Variants in IL18RAP observed in about 807,000 individuals in gnomAD.
IL18RAP encodes the protein interleukin-18 receptor accessory protein.
IL18RAP carries 37 observed loss-of-function variants against 58.1 expected under a neutral mutation model. The observed-to-expected ratio is 0.64, with a 90% CI of 0.49 to 0.84. IL18RAP has a LOEUF of 0.84. Among genes scored for constraint, IL18RAP ranks in the 40% least tolerant of loss-of-function variants. The pLI, the probability that IL18RAP is intolerant of heterozygous loss-of-function variation, is 0.00. For missense variants in IL18RAP, 667 were observed against 704.8 expected, an observed-to-expected ratio of 0.95 and a Z score of 0.61; for synonymous variants, 268 against 257.5, an observed-to-expected ratio of 1.04 and a Z score of -0.39.
In IL18RAP at chr2:102,443,700, T is replaced by A. The variant is rs937299336; in HGVS notation, c.920+377T>A. 5.9e-5 allele frequency among the ~76,000 whole-genome samples: 9 copies of A among 152,184 alleles called. No homozygotes were observed. In the South Asian group the frequency reaches 1.9e-3, roughly 32 times the overall value. On this transcript the variant is annotated intron_variant, in intron 6 of 9. Transcript: ENST00000687160. The stretch of plus-strand genomic sequence containing the variant: ...GGTACAGGGATCCAGATGTGTGGGG[T>A]AATGAACAGTCTAGAAAACCTCCAG...
At chr2:102,421,836 G>A (rs2104283145), upstream of IL18RAP, among the ~76,000 whole-genome samples, 1 of 152,216 alleles carries the variant, frequency 6.6e-6, no homozygotes, top group East Asian at 1.9e-4. Context: ...TCACCTGCAT[G>A]GTTCTACCTG....
At chr2:102,431,264 C>A (rs1655043413) in intron 3 of IL18RAP, among the ~76,000 whole-genome samples, 1 of 152,140 alleles carries the variant, frequency 6.6e-6, no homozygotes, top group Admixed American at 6.5e-5. Context: ...TGGCCTATAT[C>A]GTTTCTGCTG....
Position 102,443,270 on chromosome 2 carries a change from G to A in IL18RAP, c.867G>A (p.Trp289Ter). Residue 289 changes from tryptophan to a stop codon, truncating the protein, a stop_gained, in exon 6 of 10, where the codon TGG (tryptophan) becomes TGA (stop). Coordinates refer to ENST00000687160, the MANE Select transcript of IL18RAP (RefSeq NM_001393487.1). LOFTEE classifies it high-confidence loss of function. ...GGGTCTTTAACCCTGTCATAAAATG[G>A]TACATCAAAGATTCTGACCTAGAGT... ...FERVFNPVIK[W>*]YIKDSDLEWE... 2 of 1,613,718 alleles carry A rather than the reference G, an allele frequency of 1.2e-6. No homozygotes were observed. Among genetic ancestry groups the A allele is most frequent in the African/African-American group, 1.3e-5 (1 of 74,976 alleles).
Position 102,451,882 on chromosome 2 carries a change from G to T in IL18RAP, c.1501G>T (p.Ala501Ser). Residue 501 changes from alanine to serine, a missense_variant, in exon 10 of 10, where the codon GCC becomes TCC. Ala to Ser is a moderately conservative substitution (Grantham distance 99). Coordinates refer to ENST00000687160, the MANE Select transcript of IL18RAP (RefSeq NM_001393487.1). Reference protein sequence around the residue: ...IFELQAAVNLALDDQTLKLIL... With the variant: ...IFELQAAVNLSLDDQTLKLIL... ...TGAACTACAAGCAGCAGTGAATCTT[G>T]CCTTGGATGATCAAACACTGAAACT... 6.2e-7 allele frequency: 1 copy of T among 1,614,180 alleles called. No homozygotes were observed. Among genetic ancestry groups the T allele is most frequent in the Non-Finnish European group, 8.5e-7 (1 of 1,180,032 alleles).
Position 102,440,918 on chromosome 2 carries a change from G to C in IL18RAP, c.731-394G>C, listed in dbSNP as rs1029086036. Among the ~76,000 whole-genome samples the C allele has an allele frequency of 3.9e-5, 6 of 152,254 alleles. No homozygotes were observed. The Middle Eastern group carries it at 0.01, about 259-fold the overall frequency. ...AGTTTAAGGATGGAGGGGTGGACTC[G>C]GATATGCTTGACTTGCACAGTTTCT... On this transcript the variant is annotated intron_variant, in intron 4 of 9. Transcript: ENST00000687160.
chr2:102,423,057 A>C, upstream of IL18RAP: 1 of 580,462 alleles, frequency 1.7e-6, no homozygotes, highest in East Asian at 2.8e-5. Flanking sequence ...GGAAATACTC[A>C]CGTAAGTTAT....
chr2:102,445,595 C>G (rs1008055404), intron 7 of IL18RAP, among the ~76,000 whole-genome samples: 2 of 152,216 alleles, frequency 1.3e-5, no homozygotes, highest in Non-Finnish European at 2.9e-5. Context: ...GGAAAAGCAA[C>G]TCATTCATGC....
chr2:102,443,659 G>T lies in IL18RAP; in HGVS notation c.920+336G>T, dbSNP rs956864212. Among the ~76,000 whole-genome samples, 4 of 152,112 alleles carry T rather than the reference G, an allele frequency of 2.6e-5. No individual in the cohort carries two copies. In the East Asian group the frequency reaches 7.7e-4, roughly 29 times the overall value. ...ACTCTGCTTTTCACCGGTGCCACCC[G>T]TTCAGAGAGTGTGGGGGTACAGGGA... is the stretch of plus-strand genomic sequence containing the variant. On this transcript the variant is annotated intron_variant, in intron 6 of 9. Transcript: ENST00000687160.
At chr2:102,444,268 A>C (rs1452970366) in intron 6 of IL18RAP, among the ~76,000 whole-genome samples, 1 of 152,216 alleles carries the variant, frequency 6.6e-6, no homozygotes, top group Non-Finnish European at 1.5e-5. Flanking sequence ...GGCCCATCTT[A>C]AGCTGATATT....
chr2:102,439,123 C>G (rs180792648), intron 4 of IL18RAP: 1 of 152,280 alleles, frequency 6.6e-6, no homozygotes, highest in African/African-American at 2.4e-5. Flanking sequence ...TTATCTAATA[C>G]GTGTTAAAAT....
At position 102,423,306 on chromosome 2, in the gene IL18RAP, G is replaced by T. The variant is rs1681695038; in HGVS notation, c.29G>T (p.Trp10Leu). Residue 10 changes from tryptophan to leucine, a missense_variant, in exon 1 of 10, where the codon TGG becomes TTG. Trp to Leu is a moderately conservative substitution (Grantham distance 61, BLOSUM62 -2). Transcript: ENST00000687160. MLCLGWIFLWLVAGERIKGF... is the reference protein window; with the variant it reads MLCLGWIFLLLVAGERIKGF... Reference sequence around the variant, plus strand: ...CTCTGTTTGGGCTGGATATTTCTTTGGCTTGTTGCAGGAGAGCGAATTAAA... The same window carrying T: ...CTCTGTTTGGGCTGGATATTTCTTTTGCTTGTTGCAGGAGAGCGAATTAAA... 1 of 1,613,962 alleles carries T rather than the reference G, an allele frequency of 6.2e-7. No homozygotes were observed.
At chr2:102,445,152 G>A in intron 6 of IL18RAP, 37 bp from the exon 7 acceptor site, 2 of 1,598,264 alleles carry the variant, frequency 1.3e-6, no homozygotes, top group Non-Finnish European at 8.6e-7. Flanking sequence ...GTCAATGTAT[G>A]TTACTGAATG....
At position 102,423,326 on chromosome 2, in the gene IL18RAP, A is replaced by G; in HGVS notation, c.49A>G (p.Ile17Val). Residue 17 changes from isoleucine to valine, a missense_variant, in exon 1 of 10, where the codon ATT (isoleucine) becomes GTT (valine). Ile to Val is a conservative substitution (Grantham distance 29). Transcript: ENST00000687160. ...IFLWLVAGER[I>V]KGFNISGCST... is the part of the protein sequence containing the mutation. ...TCTTTGGCTTGTTGCAGGAGAGCGA[A>G]TTAAAGGATTTAATATTTCAGGTAG... The G allele has an allele frequency of 1.2e-6, 2 of 1,614,060 alleles. No individual in the cohort carries two copies. The highest frequency in any genetic ancestry group is 1.7e-6 in the Non-Finnish European group (2 of 1,179,906).
intron 3 of IL18RAP, 143 bp downstream of exon 3, chr2:102,424,557 A>G (rs1681811208): frequency 1.5e-6 from 1 of 670,782 alleles, no homozygotes; most frequent in Admixed American, 2.9e-5. Flanking sequence ...AGGAGATCTG[A>G]CTTTCTAAAA....
intron 3 of IL18RAP, among the ~76,000 whole-genome samples, chr2:102,433,055 C>T (rs866120158): frequency 1.4e-4 from 22 of 152,124 alleles, no homozygotes; most frequent in African/African-American, 4.1e-4. Context: ...CCTAGGGCAC[C>T]GAGATATGAG....
At chr2:102,440,688 GAGA>G (rs1297873350) in intron 4 of IL18RAP, among the ~76,000 whole-genome samples, 1 of 152,136 alleles carries the variant, frequency 6.6e-6, no homozygotes, top group African/African-American at 2.4e-5. Flanking sequence ...GTGCAAAGGG[GAGA>G]AGGAGGTCTC....
At chr2:102,427,652 C>T (rs1451889769) in intron 3 of IL18RAP, among the ~76,000 whole-genome samples, 2 of 151,936 alleles carry the variant, frequency 1.3e-5, no homozygotes, top group Admixed American at 6.6e-5. Context: ...TAAATATTTT[C>T]CCCATTTGGT....
chr2:102,449,715 C>A (rs1162077740), intron 8 of IL18RAP, among the ~76,000 whole-genome samples: 1 of 152,106 alleles, frequency 6.6e-6, no homozygotes, highest in Non-Finnish European at 1.5e-5. Context: ...AATTTTATGA[C>A]TAAATAAATG....
Position 102,440,879 on chromosome 2 carries a change from TG to T in IL18RAP, c.731-432del, listed in dbSNP as rs376755338. ...TTAAGGACTGGACTCTTCTTTATTT[TG>T]AAATAAACCATGAGTTTAAGGATGG... is the stretch of plus-strand genomic sequence containing the variant. On this transcript the variant is annotated intron_variant, in intron 4 of 9. Coordinates refer to ENST00000687160, the MANE Select transcript of IL18RAP (RefSeq NM_001393487.1). Among the ~76,000 whole-genome samples, 117 of 152,272 alleles carry T rather than the reference TG, an allele frequency of 7.7e-4. 2 individuals are homozygous for T. The East Asian group carries it at 0.021, about 28-fold the overall frequency.
Sources: gnomAD v4.1 joint callset for allele counts (sites outside exome capture counted in the v4.1 genomes callset) on GRCh38, gnomAD v4.1.1 for gene constraint, MANE v1.5 for transcripts, NCBI Gene and HGNC (gene_info 2026-07-23, HGNC 2026-07-21) for gene names.